B3GALT1: variants seen among roughly 807,000 people sequenced by gnomAD.
B3GALT1 encodes the protein beta-1,3-galactosyltransferase 1.
A neutral mutation model predicts 23.2 loss-of-function variants in B3GALT1; 10 were observed. The ratio of observed to expected loss-of-function variants is 0.43; its 90% CI spans 0.27 to 0.73. The LOEUF (loss-of-function observed/expected upper bound fraction) is 0.73. Ranked by LOEUF, B3GALT1 falls within the 30% of genes least tolerant of loss-of-function variation. The pLI is 0.21. For synonymous variants in B3GALT1, 156 were observed against 141.5 expected (o/e 1.10, Z -0.73); for missense variants, 299 against 405.4 (o/e 0.74, Z 2.25).
At chr2:167,422,350 C>G (rs12473654) in intron 1 of B3GALT1, among the ~76,000 whole-genome samples, 66,476 of 151,906 alleles carry the variant, frequency 0.44, 18,614 homozygotes, top group Non-Finnish European at 0.62. Context: ...GTACCTTGAT[C>G]TTGACTTTCT....
At position 167,419,574 on chromosome 2, in the gene B3GALT1, G is replaced by A. The variant is rs116864458; in HGVS notation, c.-510-70603G>A. On this transcript the variant is annotated intron_variant, in intron 1 of 4. Coordinates refer to ENST00000392690, the MANE Select transcript of B3GALT1 (RefSeq NM_020981.4). Reference sequence around the variant, plus strand: ...TAGAAAATATAAAAGACAATTATGAGGTAAAGCATCTGGGATGGTATTTCA... The same window carrying A: ...TAGAAAATATAAAAGACAATTATGAAGTAAAGCATCTGGGATGGTATTTCA... 4.8e-3 allele frequency among the ~76,000 whole-genome samples: 734 copies of A among 152,272 alleles called. 6 individuals are homozygous for A. Among genetic ancestry groups the A allele is most frequent in the East Asian group, 0.018 (93 of 5,178 alleles).
At chr2:167,756,930 G>T (rs750766389) in intron 3 of B3GALT1, among the ~76,000 whole-genome samples, 2 of 152,120 alleles carry the variant, frequency 1.3e-5, no homozygotes, top group Non-Finnish European at 2.9e-5. Context: ...GTGTTAGGAG[G>T]TGGTGGGATG....
intron 2 of B3GALT1, among the ~76,000 whole-genome samples, chr2:167,628,866 A>G (rs1167372915): frequency 6.6e-6 from 1 of 151,704 alleles, no homozygotes; most frequent in Non-Finnish European, 1.5e-5. Context: ...GATATGTCAT[A>G]TGATAAATTT....
At chr2:167,302,063 G>T (rs1258168217) in intron 1 of B3GALT1, among the ~76,000 whole-genome samples, 1 of 151,936 alleles carries the variant, frequency 6.6e-6, no homozygotes, top group African/African-American at 2.4e-5. Flanking sequence ...AAACTATTTG[G>T]CCAACAAAAG....
chr2:167,704,053 C>CGGGT (rs1686930044), intron 3 of B3GALT1, among the ~76,000 whole-genome samples: 1 of 151,826 alleles, frequency 6.6e-6, no homozygotes, highest in Non-Finnish European at 1.5e-5. Context: ...TGGTATCAGG[C>CGGGT]GCCTGTAGTC....
chr2:167,557,590 G>C (rs563776758), intron 2 of B3GALT1, among the ~76,000 whole-genome samples: 2 of 152,144 alleles, frequency 1.3e-5, no homozygotes, highest in East Asian at 3.9e-4. Flanking sequence ...AGAGAACCCT[G>C]TGTGCATTCC....
At chr2:167,530,104 A>G (rs992732262) in intron 2 of B3GALT1, among the ~76,000 whole-genome samples, 13 of 151,968 alleles carry the variant, frequency 8.6e-5, no homozygotes, top group East Asian at 1.9e-4. Context: ...AGCCAATCCA[A>G]TCTCTGTGAC....
chr2:167,674,872 CA>C (rs1311553582), intron 3 of B3GALT1, among the ~76,000 whole-genome samples: 1 of 152,004 alleles, frequency 6.6e-6, no homozygotes, highest in African/African-American at 2.4e-5. Flanking sequence ...AATATATTAT[CA>C]AATTATTTTT....
At chr2:167,698,401 T>C (rs551382510) in intron 3 of B3GALT1, among the ~76,000 whole-genome samples, 2 of 152,304 alleles carry the variant, frequency 1.3e-5, no homozygotes, top group South Asian at 4.1e-4. Flanking sequence ...AGTGTGTTAA[T>C]GGATTTAAAT....
At chr2:167,810,830 C>T (rs1688873902) in intron 3 of B3GALT1, among the ~76,000 whole-genome samples, 1 of 152,168 alleles carries the variant, frequency 6.6e-6, no homozygotes, top group Non-Finnish European at 1.5e-5. Context: ...AAAATAGTTG[C>T]TTTTCCTCCT....
intron 1 of B3GALT1, among the ~76,000 whole-genome samples, chr2:167,390,330 A>T (rs1209141571): frequency 2.6e-5 from 4 of 152,178 alleles, no homozygotes; most frequent in Admixed American, 2.6e-4. Flanking sequence ...CTACTCTTCA[A>T]AGAAAATGAG....
At chr2:167,668,871 C>T (rs1686266951) in intron 3 of B3GALT1, among the ~76,000 whole-genome samples, 1 of 152,214 alleles carries the variant, frequency 6.6e-6, no homozygotes, top group Admixed American at 6.5e-5. Flanking sequence ...TGAGATGAAC[C>T]CAGTACCTCA....
At chr2:167,378,296 T>C (rs1697794993) in intron 1 of B3GALT1, among the ~76,000 whole-genome samples, 2 of 152,174 alleles carry the variant, frequency 1.3e-5, no homozygotes, top group African/African-American at 4.8e-5. Context: ...GGTGCCTATA[T>C]ACCTTGGTGA....
chr2:167,475,850 C>T (rs1699477700), intron 1 of B3GALT1, among the ~76,000 whole-genome samples: 1 of 152,068 alleles, frequency 6.6e-6, no homozygotes, highest in Admixed American at 6.6e-5. Context: ...AGAATATGTT[C>T]CAGGCCTCTC....
At chr2:167,439,295 T>C (rs1342363760) in intron 1 of B3GALT1, among the ~76,000 whole-genome samples, 2 of 152,220 alleles carry the variant, frequency 1.3e-5, no homozygotes, top group Non-Finnish European at 2.9e-5. Flanking sequence ...GTAGTTGTTA[T>C]ATCATCTTAA....
chr2:167,763,926 G>T (rs899314282), intron 3 of B3GALT1, among the ~76,000 whole-genome samples: 3 of 152,058 alleles, frequency 2.0e-5, no homozygotes, highest in African/African-American at 7.2e-5. Context: ...AAAGTATGAG[G>T]TAAAACATGA....
At chr2:167,634,438 T>C (rs1194988199) in intron 2 of B3GALT1, among the ~76,000 whole-genome samples, 2 of 151,806 alleles carry the variant, frequency 1.3e-5, no homozygotes, top group Non-Finnish European at 2.9e-5. Context: ...TTCAACAAAA[T>C]TGATAGACCG....
At chr2:167,764,297 G>T (rs1687940667) in intron 3 of B3GALT1, among the ~76,000 whole-genome samples, 1 of 152,098 alleles carries the variant, frequency 6.6e-6, no homozygotes, top group Non-Finnish European at 1.5e-5. Context: ...ATGGTTTACA[G>T]TCCTTCTCAT....
intron 1 of B3GALT1, among the ~76,000 whole-genome samples, chr2:167,352,304 C>T (rs1442744228): frequency 6.9e-6 from 1 of 144,956 alleles, no homozygotes; most frequent in African/African-American, 2.5e-5. Flanking sequence ...AAGTCCTTCG[C>T]TATTTGCTTC....
Sources: allele counts gnomAD v4.1 joint callset (sites outside exome capture counted in the v4.1 genomes callset), GRCh38; gene constraint gnomAD v4.1.1; transcripts MANE v1.5; gene names NCBI Gene and HGNC (gene_info 2026-07-23, HGNC 2026-07-21).